The following INPP4B variants were observed in gnomAD, a reference collection of about 807,000 sequenced individuals.
The protein encoded by INPP4B is inositol polyphosphate-4-phosphatase type II B, also known as inositol polyphosphate 4-phosphatase type II.
Under a neutral mutation model 122.5 loss-of-function variants are expected in INPP4B, and 55 were observed. That is an observed-to-expected ratio of 0.45 (90% confidence interval 0.36 to 0.56). The LOEUF is 0.56. INPP4B is among the 20% of genes least tolerant of loss of function. The pLI is 0.00. For synonymous variants in INPP4B, 403 were observed against 388.7 expected (o/e 1.04, Z -0.43); for missense variants, 1,000 against 1,097.7 (o/e 0.91, Z 1.26).
At chr4:142,221,389 C>CG (rs1849307053) in intron 12 of INPP4B, among the ~76,000 whole-genome samples, 1 of 28,554 alleles carries the variant, frequency 3.5e-5, no homozygotes, top group Admixed American at 5.0e-4. Flanking sequence ...GACTCCTTCT[C>CG]AAAAAAAAAA....
At chr4:142,185,554 T>C (rs1168420498) in intron 15 of INPP4B, among the ~76,000 whole-genome samples, 1 of 152,004 alleles carries the variant, frequency 6.6e-6, no homozygotes, top group African/African-American at 2.4e-5. Flanking sequence ...AACTACCTCT[T>C]AACTAAGAAA....
At chr4:142,474,163 C>T (rs1819421631) in intron 2 of INPP4B, 1 of 151,816 alleles carries the variant, frequency 6.6e-6, no homozygotes, top group South Asian at 2.1e-4. Context: ...TCCTGGGAAA[C>T]ATCTGTGTAG....
At chr4:142,838,473 A>G (rs1026484002) in intron 1 of INPP4B, among the ~76,000 whole-genome samples, 1 of 152,160 alleles carries the variant, frequency 6.6e-6, no homozygotes, top group Non-Finnish European at 1.5e-5. Context: ...CCAAAATATA[A>G]AATAGGAAAA....
chr4:142,326,831 A>C (rs537424069), intron 7 of INPP4B, among the ~76,000 whole-genome samples: 41 of 152,284 alleles, frequency 2.7e-4, no homozygotes, highest in African/African-American at 9.6e-4. Context: ...GTATTATTTC[A>C]TTGTAGTTCT....
intron 2 of INPP4B, among the ~76,000 whole-genome samples, chr4:142,484,313 T>C (rs933742042): frequency 3.9e-5 from 6 of 152,068 alleles, no homozygotes; most frequent in Non-Finnish European, 8.8e-5. Flanking sequence ...TTAACACCAA[T>C]TAAGAATATT....
At chr4:142,811,768 C>T (rs58027630) in intron 1 of INPP4B, among the ~76,000 whole-genome samples, 5,622 of 152,066 alleles carry the variant, frequency 0.037, 127 homozygotes, top group Middle Eastern at 0.11. Flanking sequence ...TTTTGAATAT[C>T]ATTTCTTCAT....
At chr4:142,293,798 T>C (rs772401188) in intron 9 of INPP4B, among the ~76,000 whole-genome samples, 4 of 152,250 alleles carry the variant, frequency 2.6e-5, no homozygotes, top group Non-Finnish European at 5.9e-5. Context: ...CAAAGGGTAA[T>C]ACATTGCCAA....
intron 9 of INPP4B, among the ~76,000 whole-genome samples, chr4:142,271,677 G>C (rs1745921836): frequency 6.6e-6 from 1 of 152,048 alleles, no homozygotes; most frequent in East Asian, 1.9e-4. Flanking sequence ...TACTTTTTCA[G>C]ATAAAGAAAC....
chr4:142,302,757 C>T (rs1025386934), intron 9 of INPP4B, among the ~76,000 whole-genome samples: 14 of 151,822 alleles, frequency 9.2e-5, no homozygotes, highest in African/African-American at 2.4e-4. Context: ...CAGGACTACA[C>T]GGCAATGAAT....
intron 1 of INPP4B, among the ~76,000 whole-genome samples, chr4:142,812,782 T>C (rs995278197): frequency 6.6e-6 from 1 of 152,184 alleles, no homozygotes; most frequent in South Asian, 2.1e-4. Flanking sequence ...GACTCTAGGA[T>C]GATAGAATTT....
intron 14 of INPP4B, among the ~76,000 whole-genome samples, chr4:142,193,774 T>C (rs1837014213): frequency 6.6e-6 from 1 of 152,170 alleles, no homozygotes; most frequent in Non-Finnish European, 1.5e-5. Flanking sequence ...ACACAAAATG[T>C]TTCTTGTTCT....
At chr4:142,292,091 C>T (rs917225467) in intron 9 of INPP4B, among the ~76,000 whole-genome samples, 3 of 151,964 alleles carry the variant, frequency 2.0e-5, no homozygotes, top group Non-Finnish European at 1.5e-5. Context: ...AGTGGGAGTA[C>T]CGAAAAAGGA....
intron 23 of INPP4B, among the ~76,000 whole-genome samples, chr4:142,104,238 C>CAG (rs901297656): frequency 6.6e-6 from 1 of 152,150 alleles, no homozygotes; most frequent in Admixed American, 6.6e-5. Context: ...CCACTTCCTT[C>CAG]AGAAGCCCTG....
chr4:142,317,189 T>C (rs72941135), intron 7 of INPP4B: 33,822 of 206,024 alleles, frequency 0.16, 3,080 homozygotes, highest in African/African-American at 0.27. Context: ...TGTCATAGAG[T>C]TCAGGGGGAA....
At chr4:142,372,845 T>C (rs1045470041) in intron 7 of INPP4B, among the ~76,000 whole-genome samples, 3 of 152,024 alleles carry the variant, frequency 2.0e-5, no homozygotes, top group African/African-American at 4.8e-5. Context: ...CTAAAGCATC[T>C]TGACTACACT....
Position 142,071,113 on chromosome 4 carries a change from A to G in INPP4B, c.2642+10918T>C, listed in dbSNP as rs547245410. On this transcript the variant is annotated intron_variant, in intron 25 of 25. Coordinates refer to ENST00000262992, the MANE Select transcript of INPP4B (RefSeq NM_001101669.3). ...ACTACAAGGCTACAGTAACCAAAACAGCATGGTACTGGTCCGAAACAGAGA... is the reference window on the plus strand; with the variant it reads ...ACTACAAGGCTACAGTAACCAAAACGGCATGGTACTGGTCCGAAACAGAGA... Among the ~76,000 whole-genome samples, 10 of 152,332 alleles carry G rather than the reference A, an allele frequency of 6.6e-5. No homozygotes were observed. In the South Asian group the frequency reaches 2.1e-3, roughly 32 times the overall value.
At chr4:142,030,268 C>G (rs944406831) in intron 25 of INPP4B, 2 of 1,535,302 alleles carry the variant, frequency 1.3e-6, no homozygotes, top group Middle Eastern at 1.7e-4. Context: ...GTTTCAGGAT[C>G]ATCGGATTCA....
intron 9 of INPP4B, among the ~76,000 whole-genome samples, chr4:142,302,273 G>A (rs1761753882): frequency 6.6e-6 from 1 of 152,128 alleles, no homozygotes. Flanking sequence ...GTAAGCCTCG[G>A]CACGGTGGTG....
chr4:142,810,244 G>T (rs552655707), intron 1 of INPP4B, among the ~76,000 whole-genome samples: 8 of 151,760 alleles, frequency 5.3e-5, no homozygotes, highest in Admixed American at 3.3e-4. Flanking sequence ...AATTAAAATG[G>T]TTAGAAGTGT....
Sources: gnomAD v4.1 joint callset for allele counts (sites outside exome capture counted in the v4.1 genomes callset) on GRCh38, gnomAD v4.1.1 for gene constraint, MANE v1.5 for transcripts, NCBI Gene and HGNC (gene_info 2026-07-23, HGNC 2026-07-21) for gene names.